The following COL6A1 variants were observed in gnomAD, a reference collection of about 807,000 sequenced individuals.
The protein encoded by COL6A1 is collagen type VI alpha 1 chain.
A neutral mutation model predicts 145.6 loss-of-function variants in COL6A1; 80 were observed. The observed-to-expected ratio is 0.55, with a 90% confidence interval of 0.46 to 0.66. The LOEUF (loss-of-function observed/expected upper bound fraction) is 0.66, where lower values mean the gene tolerates loss of function less well. COL6A1 is among the 30% of genes least tolerant of loss of function. The pLI, the probability that COL6A1 is intolerant of heterozygous loss-of-function variation, is 0.00. For synonymous variants in COL6A1, 638 were observed against 622.8 expected, an observed-to-expected ratio of 1.02 and a Z score of -0.36; for missense variants, 1,364 against 1,473.8, an observed-to-expected ratio of 0.93 and a Z score of 1.22.
chr21:45,984,697 G>GAGAGAT (rs1336922706), intron 3 of COL6A1, among the ~76,000 whole-genome samples: 2 of 151,550 alleles, frequency 1.3e-5, no homozygotes, highest in Non-Finnish European at 3.0e-5. Flanking sequence ...CAGAGACAGA[G>GAGAGAT]AGAGATAGAG....
Position 46,003,628 on chromosome 21 carries a change from C to G in COL6A1, c.2702C>G (p.Ala901Gly). ...LQFLQNYTALASAVDAMDFIN... is the reference protein window; with the variant it reads ...LQFLQNYTALGSAVDAMDFIN... Reference sequence around the variant, plus strand: ...TTCCTGCAGAACTACACGGCCCTGGCCAGTGCCGTCGATGCCATGGACTTT... The same window carrying G: ...TTCCTGCAGAACTACACGGCCCTGGGCAGTGCCGTCGATGCCATGGACTTT... Residue 901 changes from alanine (A) to glycine (G), a missense_variant, in exon 35 of 35, where the codon GCC becomes GGC. Transcript: ENST00000361866. The G allele has an allele frequency of 6.2e-7, 1 of 1,613,038 alleles. No homozygotes were observed. The highest frequency in any genetic ancestry group is 1.1e-5 in the South Asian group (1 of 91,088).
At position 46,002,283 on chromosome 21, in the gene COL6A1, G is replaced by T; in HGVS notation, c.2132G>T (p.Arg711Leu). ...ACGGGGGAGGCCCTGCAGTACACGC[G>T]GGACCAGCTGCTGCCGCCCAGCCCG... Reference protein sequence around the residue: ...TFTGEALQYTRDQLLPPSPNN... With the variant: ...TFTGEALQYTLDQLLPPSPNN... Residue 711 changes from arginine (R) to leucine (L), a missense_variant, in exon 32 of 35, where the codon CGG becomes CTG. This residue lies in a region of COL6A1 where 938 missense variants were observed against 1,003.8 expected (regional missense o/e 0.93). Coordinates refer to ENST00000361866, the MANE Select transcript of COL6A1 (RefSeq NM_001848.3). 6.3e-7 allele frequency: 1 copy of T among 1,596,536 alleles called. No homozygotes were observed.
At chr21:45,985,915 C>G (rs1203648605) in intron 3 of COL6A1, among the ~76,000 whole-genome samples, 4 of 152,186 alleles carry the variant, frequency 2.6e-5, no homozygotes, top group Admixed American at 1.3e-4. Context: ...TGGCCACACA[C>G]GTCAGAGTGC....
intron 15 of COL6A1, 139 bp downstream of exon 15, chr21:45,991,180 G>A: frequency 1.1e-6 from 1 of 945,754 alleles, no homozygotes; most frequent in Non-Finnish European, 1.7e-6. Flanking sequence ...GCTGGTGGAG[G>A]CTGGAGGCAG....
chr21:45,989,288 G>A (rs1458332286), intron 9 of COL6A1, 151 bp downstream of exon 9: 1 of 887,876 alleles, frequency 1.1e-6, no homozygotes, highest in African/African-American at 1.7e-5. Context: ...AGGGGCCACA[G>A]CCCAGCCATC....
At position 45,990,717 on chromosome 21, in the gene COL6A1, T is replaced by G. The variant is rs191909121; in HGVS notation, c.1003-56T>G. 5,886 of 1,499,594 alleles carry G rather than the reference T, an allele frequency of 3.9e-3. 27 individuals are homozygous for G. Among genetic ancestry groups the G allele is most frequent in the Admixed American group, 6.8e-3 (409 of 59,844 alleles). The allele number at this position is 1,499,594 out of a possible 1,614,324, so 92.9% of individuals were successfully genotyped here. ...GAGGGCACCAAGTCTGACAGTTGAT[T>G]GGCCTCAGTTTACCCACTTGGCCGT... On this transcript the variant is annotated intron_variant, in intron 13 of 34. Coordinates refer to ENST00000361866, the MANE Select transcript of COL6A1 (RefSeq NM_001848.3).
At position 46,004,270 on chromosome 21, in the gene COL6A1, C is replaced by G. The variant is rs901795942; in HGVS notation, c.*257C>G. 8.7e-6 allele frequency: 5 copies of G among 578,024 alleles called. No homozygotes were observed. Among genetic ancestry groups the G allele is most frequent in the Middle Eastern group, 4.6e-4 (1 of 2,168 alleles). The allele number at this position is 578,024 out of a possible 1,614,324, so 35.8% of individuals were successfully genotyped here. A position where few individuals can be genotyped will look rare whatever the true frequency, so the allele number is the denominator to read the frequency against. ...GCTAGTGTCACCTGCACAGGGCCCT[C>G]TGAGGCTCAGCCCTGAGCTGGCGTC... On this transcript the variant is annotated 3_prime_UTR_variant, in exon 35 of 35. Coordinates refer to ENST00000361866, the MANE Select transcript of COL6A1 (RefSeq NM_001848.3).
intron 8 of COL6A1, 50 bp downstream of exon 8, chr21:45,987,704 G>A (rs1239308604): frequency 6.4e-7 from 1 of 1,573,284 alleles, no homozygotes; most frequent in South Asian, 1.2e-5. Context: ...CTGGGAGTGG[G>A]GGTGGCAGGA....
intron 22 of COL6A1, 68 bp downstream of exon 22, chr21:45,997,830 C>T: frequency 6.7e-7 from 1 of 1,496,608 alleles, no homozygotes; most frequent in Non-Finnish European, 9.1e-7. Context: ...AAGCCCCAGC[C>T]CCGCACTGTG....
chr21:46,000,405 C>T, intron 28 of COL6A1, 38 bp downstream of exon 28: 2 of 1,610,146 alleles, frequency 1.2e-6, no homozygotes, highest in Admixed American at 1.7e-5. Flanking sequence ...TTAGGGAGAG[C>T]AGGGCCGCCA....
In COL6A1 at chr21:46,001,188, G is replaced by A. The variant is rs2077842595; in HGVS notation, c.1823-65G>A. ...GCAGCCAAGGAGGGGCCAGGGCGGT[G>A]GAGGGGAGGGGCCAGGGCACTGGAG... On this transcript the variant is annotated intron_variant, in intron 29 of 34. Transcript: ENST00000361866. 1.9e-6 allele frequency: 3 copies of A among 1,578,156 alleles called. No individual in the cohort carries two copies. In the African/African-American group the frequency reaches 4.0e-5, roughly 21 times the overall value.
At chr21:45,989,488 G>GCCCCA in intron 9 of COL6A1, 120 bp from the exon 10 acceptor site, 1 of 1,027,982 alleles carries the variant, frequency 9.7e-7, no homozygotes. Context: ...GCCCCGTGCA[G>GCCCCA]CAGGGCCCCT....
intron 26 of COL6A1, 200 bp downstream of exon 26, chr21:45,999,418 C>A: frequency 1.4e-6 from 1 of 739,888 alleles, no homozygotes; most frequent in Non-Finnish European, 2.3e-6. Context: ...GAGCCGAGCC[C>A]AGGGACACAG....
rs191783375 is a variant in COL6A1 at position 45,990,881 on chromosome 21, G to A, written c.1056+55G>A. The A allele has an allele frequency of 2.0e-4, 326 of 1,609,328 alleles. No individual in the cohort carries two copies. In the African/African-American group the frequency reaches 3.5e-3, roughly 18 times the overall value. On this transcript the variant is annotated intron_variant, in intron 14 of 34. Transcript: ENST00000361866. ...AAACTAGCGCTGTCAGCAGCACCTC[G>A]TGTGGACCGTTTTGACTTCTGTCTG...
chr21:45,994,124 C>T lies in COL6A1; in HGVS notation c.1336-43C>T, dbSNP rs374886675. ...AGCGTGCCCGGGCAGCCATCCTCCCCAAGGATGGCCCAGCTCCACACTCAC... is the reference window on the plus strand; with the variant it reads ...AGCGTGCCCGGGCAGCCATCCTCCCTAAGGATGGCCCAGCTCCACACTCAC... On this transcript the variant is annotated intron_variant, in intron 19 of 34. Coordinates refer to ENST00000361866, the MANE Select transcript of COL6A1 (RefSeq NM_001848.3). This position sits in a 1 kb window ranked among gnomAD's most constrained non-coding sequence, Gnocchi z 6.8. The T allele has an allele frequency of 8.1e-5, 127 of 1,564,540 alleles. No homozygotes were observed. Among genetic ancestry groups the T allele is most frequent in the Non-Finnish European group, 1.0e-4 (118 of 1,152,544 alleles).
In COL6A1 at chr21:46,000,740, C is replaced by G; in HGVS notation, c.1814-19C>G. ...ACGCGGCCCTGACTGGTCTAACTGA[C>G]TCTTTCTCTTCTCCTCAGCTTGCTG... On this transcript the variant is annotated intron_variant, in intron 28 of 34. Coordinates refer to ENST00000361866, the MANE Select transcript of COL6A1 (RefSeq NM_001848.3). The G allele has an allele frequency of 6.2e-7, 1 of 1,613,960 alleles. No homozygotes were observed. The highest frequency in any genetic ancestry group is 8.5e-7 in the Non-Finnish European group (1 of 1,179,896).
At chr21:46,000,049 G>A (rs539260104) in intron 27 of COL6A1, among the ~76,000 whole-genome samples, 544 of 124,268 alleles carry the variant, frequency 4.4e-3, no homozygotes, top group South Asian at 9.3e-3. Flanking sequence ...CATGGGGGGG[G>A]ACGTGTGAGG....
rs116524164 is a variant in COL6A1 at position 45,994,349 on chromosome 21, T to C, written c.1398+120T>C. 7.6e-3 allele frequency: 7,592 copies of C among 994,772 alleles called. 370 individuals carry two copies. In the African/African-American group the frequency reaches 0.11, roughly 14 times the overall value. The allele number at this position is 994,772 out of a possible 1,614,324, so 61.6% of individuals were successfully genotyped here. A position where few individuals can be genotyped will look rare whatever the true frequency, so the allele number is the denominator to read the frequency against. On this transcript the variant is annotated intron_variant, in intron 20 of 34. Coordinates refer to ENST00000361866, the MANE Select transcript of COL6A1 (RefSeq NM_001848.3). The surrounding 1 kb of genome is among the most constrained non-coding windows in gnomAD (Gnocchi z 6.8). ...CCGTTTGAGGGCCTCTGTGTTTCCG[T>C]AGATCTCGGGGGTGTCCCTGCGTGG...
intron 27 of COL6A1, among the ~76,000 whole-genome samples, chr21:46,000,052 G>A (rs113489594): frequency 1.4e-4 from 19 of 131,106 alleles, no homozygotes; most frequent in East Asian, 2.5e-4. Flanking sequence ...GGGGGGGGAC[G>A]TGTGAGGATC....
Sources: gnomAD v4.1 joint callset for allele counts (sites outside exome capture counted in the v4.1 genomes callset) on GRCh38, gnomAD v4.1.1 for gene constraint, gnomAD v4.1.1 regional missense constraint, Gnocchi (gnomAD v3.1) non-coding constraint, MANE v1.5 for transcripts, NCBI Gene and HGNC (gene_info 2026-07-23, HGNC 2026-07-21) for gene names.